The following KIF5C variants were observed in gnomAD, a reference collection of about 807,000 sequenced individuals.
KIF5C encodes the protein kinesin family member 5C, also known as kinesin heavy chain isoform 5C.
KIF5C carries 18 observed loss-of-function variants against 125.2 expected under a neutral mutation model. The observed-to-expected ratio is 0.14, with a 90% confidence interval of 0.10 to 0.21. KIF5C has a LOEUF of 0.21. Among genes scored for constraint, KIF5C ranks in the 10% least tolerant of loss-of-function variants. KIF5C has a pLI of 1.00. For missense variants in KIF5C, 780 were observed against 1,183.8 expected (o/e 0.66, Z 5.01); for synonymous variants, 405 against 434.0 (o/e 0.93, Z 0.83).
chr2:148,965,795 A>T (rs541200825), intron 11 of KIF5C, among the ~76,000 whole-genome samples: 1 of 152,282 alleles, frequency 6.6e-6, no homozygotes, highest in African/African-American at 2.4e-5. Flanking sequence ...CCTGACTCTA[A>T]AGTTCATTCT....
intron 1 of KIF5C, among the ~76,000 whole-genome samples, chr2:148,916,756 G>A (rs1558891266): frequency 6.6e-6 from 1 of 152,004 alleles, no homozygotes; most frequent in Non-Finnish European, 1.5e-5. Flanking sequence ...GGAAAGCAGG[G>A]GGAAAAAAGG....
chr2:148,947,289 G>A, intron 8 of KIF5C: 1 of 405,646 alleles, frequency 2.5e-6, no homozygotes, highest in Middle Eastern at 6.8e-4. Flanking sequence ...TGAGGCAACA[G>A]TTGGTTTGAC....
rs1452698969 is a variant in KIF5C at position 148,881,725 on chromosome 2, C to CCCTA, written c.126+5982_126+5983insCCTA. ...TTCCCTTTAGTCCTTACCTCTAAATCATCGTGGTGATTTAGAGGGTGAACT... is the reference window on the plus strand; with the variant it reads ...TTCCCTTTAGTCCTTACCTCTAAATCCCTAATCGTGGTGATTTAGAGGGTGAACT... On this transcript the variant is annotated intron_variant, in intron 1 of 25. Coordinates refer to ENST00000435030, the MANE Select transcript of KIF5C (RefSeq NM_004522.3). Among the ~76,000 whole-genome samples the CCCTA allele has an allele frequency of 7.7e-4, 112 of 145,452 alleles. 3 individuals are homozygous for CCCTA. Among genetic ancestry groups the CCCTA allele is most frequent in the Middle Eastern group, 3.5e-3 (1 of 288 alleles).
At chr2:148,960,779 A>T (rs1682907283) in intron 10 of KIF5C, among the ~76,000 whole-genome samples, 1 of 152,266 alleles carries the variant, frequency 6.6e-6, no homozygotes, top group Non-Finnish European at 1.5e-5. Flanking sequence ...CCGAATCACA[A>T]ATCAGATTGT....
intron 17 of KIF5C, among the ~76,000 whole-genome samples, chr2:148,996,746 C>T (rs755227869): frequency 5.3e-5 from 8 of 152,178 alleles, no homozygotes; most frequent in Non-Finnish European, 1.0e-4. Flanking sequence ...TTCCCGTGTT[C>T]CCATCCTGGA....
At position 148,998,670 on chromosome 2, in the gene KIF5C, G is replaced by C. The variant is rs1681750748; in HGVS notation, c.2210+161G>C. ...GCTGGGCGGGCTGCTTCCAAGGTCT[G>C]TTCTCCGATCTGGAGCTGAGCCTCC... On this transcript the variant is annotated intron_variant, in intron 19 of 25. Transcript: ENST00000435030. 4.1e-6 allele frequency: 5 copies of C among 1,217,298 alleles called. No homozygotes were observed. The African/African-American group carries it at 4.6e-5, about 11-fold the overall frequency. 75.4% of individuals were successfully genotyped at this position (1,217,298 alleles called of 1,614,324 possible). A position where few individuals can be genotyped will look rare whatever the true frequency, so the allele number is the denominator to read the frequency against.
intron 11 of KIF5C, among the ~76,000 whole-genome samples, chr2:148,962,646 T>G (rs1463874291): frequency 6.6e-6 from 1 of 152,174 alleles, no homozygotes; most frequent in Non-Finnish European, 1.5e-5. Context: ...TTGGCTAGCA[T>G]GCATTGTTAG....
At chr2:149,000,242 A>G (rs1465201761) in intron 19 of KIF5C, 181 bp from the exon 20 acceptor site, 3 of 609,220 alleles carry the variant, frequency 4.9e-6, no homozygotes, top group Non-Finnish European at 7.9e-6. Context: ...CACCCCAGAA[A>G]TTAGTTTTCA....
intron 22 of KIF5C, among the ~76,000 whole-genome samples, chr2:149,007,700 T>TA (rs576709022): frequency 6.6e-6 from 1 of 152,316 alleles, no homozygotes; most frequent in South Asian, 2.1e-4. Context: ...TTACTGAAGA[T>TA]AAATCATCTA....
At chr2:148,989,975 T>C (rs1681482556) in intron 15 of KIF5C, among the ~76,000 whole-genome samples, 1 of 152,214 alleles carries the variant, frequency 6.6e-6, no homozygotes, top group African/African-American at 2.4e-5. Context: ...CAGAGTGTAC[T>C]GTGGAACATC....
intron 9 of KIF5C, 113 bp downstream of exon 9, chr2:148,950,056 A>G: frequency 6.9e-7 from 1 of 1,443,688 alleles, no homozygotes; most frequent in Non-Finnish European, 9.2e-7. Context: ...TGTTTGGAAG[A>G]GGACAGAGGG....
At chr2:149,017,082 G>T (rs1399154022) in intron 25 of KIF5C, among the ~76,000 whole-genome samples, 3 of 152,204 alleles carry the variant, frequency 2.0e-5, no homozygotes, top group African/African-American at 7.2e-5. Context: ...GACAGACTAG[G>T]TGAGGAAATA....
At chr2:148,927,989 A>G (rs1006911349) in intron 2 of KIF5C, among the ~76,000 whole-genome samples, 1 of 152,022 alleles carries the variant, frequency 6.6e-6, no homozygotes, top group Non-Finnish European at 1.5e-5. Context: ...CCTGCCACTT[A>G]ATTTTTCTTT....
chr2:148,972,027 C>A (rs1005603847), intron 11 of KIF5C, among the ~76,000 whole-genome samples: 3 of 152,086 alleles, frequency 2.0e-5, no homozygotes, highest in Non-Finnish European at 4.4e-5. Flanking sequence ...CTTCGCCTCT[C>A]GGGTTCAAGC....
intron 16 of KIF5C, among the ~76,000 whole-genome samples, chr2:148,993,001 T>C (rs1450782979): frequency 3.9e-5 from 6 of 152,184 alleles, no homozygotes; most frequent in African/African-American, 1.4e-4. Flanking sequence ...CAGCTCCATG[T>C]CCAACTCCCT....
At chr2:148,945,650 A>G (rs1376016428) in intron 7 of KIF5C, among the ~76,000 whole-genome samples, 1 of 152,082 alleles carries the variant, frequency 6.6e-6, no homozygotes, top group African/African-American at 2.4e-5. Context: ...TGGTGCACCT[A>G]TCACCCGAAC....
intron 10 of KIF5C, among the ~76,000 whole-genome samples, chr2:148,959,439 G>T (rs1040431484): frequency 6.6e-6 from 1 of 151,804 alleles, no homozygotes; most frequent in African/African-American, 2.4e-5. Flanking sequence ...GTTTTTTTGG[G>T]GGAAGGTGGG....
rs571279662 is a variant in KIF5C, at chr2:148,989,987, A to G, written c.1717-1023A>G. ...ACTCAGAGTGTACTGTGGAACATCAAAAAACCACGGTTGGAGTCATTGTCT... is the reference window on the plus strand; with the variant it reads ...ACTCAGAGTGTACTGTGGAACATCAGAAAACCACGGTTGGAGTCATTGTCT... On this transcript the variant is annotated intron_variant, in intron 15 of 25. Transcript: ENST00000435030. Among the ~76,000 whole-genome samples, 5 of 152,328 alleles carry G rather than the reference A, an allele frequency of 3.3e-5. No individual in the cohort carries two copies. The South Asian group carries it at 8.3e-4, about 25-fold the overall frequency.
chr2:149,026,035 C>T lies in KIF5C; in HGVS notation c.*2965C>T, dbSNP rs1024516012. On this transcript the variant is annotated 3_prime_UTR_variant, in exon 26 of 26. Coordinates refer to ENST00000435030, the MANE Select transcript of KIF5C (RefSeq NM_004522.3). ...ATCTAGTGACTTTTTAAAGCCCTAA[C>T]GTTTACATAAAGAAGCTCTAGTTCT... The T allele has an allele frequency of 1.2e-4, 18 of 152,534 alleles. No individual in the cohort carries two copies. The highest frequency in any genetic ancestry group is 3.4e-4 in the African/African-American group (14 of 41,402). The allele number at this position is 152,534 out of a possible 1,614,324, so 9.4% of individuals were successfully genotyped here. A position where few individuals can be genotyped will look rare whatever the true frequency, so the allele number is the denominator to read the frequency against.
Sources: gnomAD v4.1 joint callset for allele counts (sites outside exome capture counted in the v4.1 genomes callset) on GRCh38, gnomAD v4.1.1 for gene constraint, MANE v1.5 for transcripts, NCBI Gene and HGNC (gene_info 2026-07-23, HGNC 2026-07-21) for gene names.